The following DOK7 variants were observed in gnomAD, a reference collection of about 807,000 sequenced individuals.
The protein encoded by DOK7 is protein Dok-7.
In DOK7, 32 loss-of-function variants were observed where a neutral mutation model predicts 30.7. The observed-to-expected ratio is 1.04, with a 90% CI of 0.79 to 1.40. DOK7 has a LOEUF of 1.40. Among genes scored for constraint, DOK7 ranks in the 40% most tolerant of loss-of-function variants. The probability of loss-of-function intolerance (pLI) is 0.00; values close to 1 mark genes in which losing one functional copy is unlikely to be tolerated. For synonymous variants in DOK7, 447 were observed against 324.1 expected (o/e 1.38, Z -4.07); for missense variants, 1,007 against 699.2 (o/e 1.44, Z -4.97).
intron 4 of DOK7, among the ~76,000 whole-genome samples, chr4:3,476,784 G>A (rs751356491): frequency 3.3e-5 from 5 of 152,236 alleles, no homozygotes; most frequent in African/African-American, 4.8e-5. Context: ...TGGAGGGAGA[G>A]AGTTCAGGGA....
chr4:3,494,328 C>A lies in DOK7; in HGVS notation c.*827C>A, dbSNP rs1004557594. The A allele has an allele frequency of 1.5e-5, 15 of 985,706 alleles. No homozygotes were observed. Among genetic ancestry groups the A allele is most frequent in the African/African-American group, 1.7e-5 (1 of 57,264 alleles). The allele number at this position is 985,706 out of a possible 1,614,324, so 61.1% of individuals were successfully genotyped here. On this transcript the variant is annotated 3_prime_UTR_variant, in exon 7 of 7. Transcript: ENST00000340083. The stretch of plus-strand genomic sequence containing the variant: ...GTGGGGCTGTGTTGGGCCCATTGTC[C>A]CCCGCCCTGGGTGGCTTCCTCTTGC...
At chr4:3,481,021 G>C (rs1163608155) in intron 4 of DOK7, among the ~76,000 whole-genome samples, 1 of 152,112 alleles carries the variant, frequency 6.6e-6, no homozygotes, top group Admixed American at 6.5e-5. Context: ...GGTGGAGGGG[G>C]GTGAAAAGGG....
rs1178790553 is a variant in DOK7, at chr4:3,493,993, C to T, written c.*492C>T. On this transcript the variant is annotated 3_prime_UTR_variant, in exon 7 of 7. Coordinates refer to ENST00000340083, the MANE Select transcript of DOK7 (RefSeq NM_173660.5). The stretch of plus-strand genomic sequence containing the variant: ...GGCCACCTGGGCTCCACCAGCCCAG[C>T]CCCCCTGGGCTCCGTGTGCGCTGGG... 15 of 972,706 alleles carry T rather than the reference C, an allele frequency of 1.5e-5. No individual in the cohort carries two copies. Among genetic ancestry groups the T allele is most frequent in the Non-Finnish European group, 1.7e-5 (14 of 828,396 alleles). The allele number at this position is 972,706 out of a possible 1,614,324, so 60.3% of individuals were successfully genotyped here.
chr4:3,463,432 CG>C lies in DOK7; in HGVS notation c.54+7del, dbSNP rs1560200974. 1.8e-6 allele frequency: 1 copy of C among 556,718 alleles called. No homozygotes were observed. Among genetic ancestry groups the C allele is most frequent in the South Asian group, 2.0e-5 (1 of 49,764 alleles). 34.5% of individuals were successfully genotyped at this position (556,718 alleles called of 1,614,324 possible). Reference sequence around the variant, plus strand: ...TCAAGCTGCGGGACGGCAAGAAGGTCGGGGCGCGTCGGGGGCGCGGGGGGGG... The same window carrying C: ...TCAAGCTGCGGGACGGCAAGAAGGTCGGGCGCGTCGGGGGCGCGGGGGGGG... On this transcript the variant is annotated splice_donor_region_variant and intron_variant, in intron 1 of 6. Transcript: ENST00000340083.
intron 6 of DOK7, among the ~76,000 whole-genome samples, chr4:3,490,054 A>G: frequency 1.1e-5 from 1 of 87,684 alleles, no homozygotes; most frequent in Non-Finnish European, 2.3e-5. Context: ...CTACTCATTA[A>G]TTCCTTCCTC....
chr4:3,487,362 C>T (rs1218893911), intron 5 of DOK7, among the ~76,000 whole-genome samples: 1 of 152,212 alleles, frequency 6.6e-6, no homozygotes, highest in East Asian at 1.9e-4. Flanking sequence ...ACTGGAGCCC[C>T]GTGATCACAG....
At chr4:3,473,763 G>T in intron 3 of DOK7, 127 bp downstream of exon 3, 1 of 922,232 alleles carries the variant, frequency 1.1e-6, no homozygotes. Context: ...ACATTCATGG[G>T]TGCCTTAGGG....
chr4:3,478,178 C>T (rs73793923), intron 4 of DOK7, among the ~76,000 whole-genome samples: 1,906 of 152,316 alleles, frequency 0.013, 44 homozygotes, highest in African/African-American at 0.043. Context: ...CGCGTGCTCA[C>T]CCTCTAAGCC....
intron 2 of DOK7, among the ~76,000 whole-genome samples, chr4:3,465,722 C>T (rs951593776): frequency 2.0e-5 from 3 of 152,240 alleles, no homozygotes; most frequent in African/African-American, 4.8e-5. Flanking sequence ...CCGTCTGCCT[C>T]GGTGTGGGAC....
intron 5 of DOK7, 42 bp from the exon 6 acceptor site, chr4:3,489,635 G>T (rs374400469): frequency 1.4e-5 from 22 of 1,557,484 alleles, no homozygotes; most frequent in Non-Finnish European, 1.9e-5. Context: ...GAGGGTGGGC[G>T]GTGGTGGCCA....
chr4:3,483,738 A>G (rs1727580547), intron 4 of DOK7, among the ~76,000 whole-genome samples: 1 of 152,162 alleles, frequency 6.6e-6, no homozygotes, highest in South Asian at 2.1e-4. Flanking sequence ...GCCTTTCGTG[A>G]GAGCTGGGGC....
chr4:3,476,215 CCT>C (rs1446847981), intron 3 of DOK7, 125 bp from the exon 4 acceptor site: 16 of 899,670 alleles, frequency 1.8e-5, no homozygotes, highest in Admixed American at 2.3e-5. Context: ...CCCATGATGC[CCT>C]CTCGCCCCGC....
intron 1 of DOK7, 21 bp downstream of exon 1, chr4:3,463,450 CGGGGG>C: frequency 3.3e-6 from 4 of 1,229,774 alleles, no homozygotes; most frequent in South Asian, 3.6e-5. Context: ...GTCGGGGGCG[CGGGGG>C]GGGGGGGCGC....
At chr4:3,478,151 G>T (rs1411678862) in intron 4 of DOK7, among the ~76,000 whole-genome samples, 1 of 152,228 alleles carries the variant, frequency 6.6e-6, no homozygotes, top group African/African-American at 2.4e-5. Flanking sequence ...CGGGCAGGCA[G>T]CCGGCCGGGG....
At chr4:3,490,466 T>TCTTCTCCCTCTGCTCATTCATTCCTTC (rs1728245381) in intron 6 of DOK7, among the ~76,000 whole-genome samples, 1 of 93,374 alleles carries the variant, frequency 1.1e-5, no homozygotes, top group Admixed American at 1.1e-4. Context: ...TTCATTCCTT[T>TCTTCTCCCTCTGCTCATTCATTCCTTC]CTTCTCCCTC....
At position 3,473,415 on chromosome 4, in the gene DOK7, T is replaced by C; in HGVS notation, c.110T>C (p.Leu37Pro). 6.2e-7 allele frequency: 1 copy of C among 1,610,858 alleles called. No individual in the cohort carries two copies. The highest frequency in any genetic ancestry group is 8.5e-7 in the Non-Finnish European group (1 of 1,179,778). The change falls in exon 3 of 7, where the codon CTG (leucine) becomes CCG (proline). Residue 37 changes from leucine (L) to proline (P), a missense_variant. Leu to Pro is a moderately conservative substitution (Grantham distance 98). Transcript: ENST00000340083. ...RKPSPVADCL[L>P]MLVYKDKSER... ...GCCACGCTCCTTGCAGACTGCCTGC[T>C]GATGCTGGTCTACAAGGACAAGTCG... is the stretch of plus-strand genomic sequence containing the variant.
At chr4:3,482,338 G>A (rs1303168969) in intron 4 of DOK7, among the ~76,000 whole-genome samples, 1 of 152,238 alleles carries the variant, frequency 6.6e-6, no homozygotes, top group Non-Finnish European at 1.5e-5. Context: ...GTGGCATTTG[G>A]CTATGGTGGG....
In DOK7 at chr4:3,468,162, G is replaced by T. The variant is rs529522625; in HGVS notation, c.100+4611G>T. Among the ~76,000 whole-genome samples, 7 of 147,538 alleles carry T rather than the reference G, an allele frequency of 4.7e-5. No homozygotes were observed. In the South Asian group the frequency reaches 1.3e-3, roughly 26 times the overall value. Reference sequence around the variant, plus strand: ...TGCAGGTGTGTATGCAAGTGTGTGTGTGCATGTGAATACCTGTGTGTGGGG... The same window carrying T: ...TGCAGGTGTGTATGCAAGTGTGTGTTTGCATGTGAATACCTGTGTGTGGGG... On this transcript the variant is annotated intron_variant, in intron 2 of 6. Transcript: ENST00000340083.
intron 6 of DOK7, among the ~76,000 whole-genome samples, chr4:3,490,310 G>T (rs868265597): frequency 1.6e-4 from 7 of 42,916 alleles, no homozygotes; most frequent in African/African-American, 5.4e-4. Context: ...CCGCCCCCCC[G>T]GCTCATTCTT....
Sources: allele counts gnomAD v4.1 joint callset (sites outside exome capture counted in the v4.1 genomes callset), GRCh38; gene constraint gnomAD v4.1.1; transcripts MANE v1.5; gene names NCBI Gene and HGNC (gene_info 2026-07-23, HGNC 2026-07-21).